The following STPG2 variants were observed in gnomAD, a reference collection of about 807,000 sequenced individuals.
The protein encoded by STPG2 is sperm-tail PG-rich repeat-containing protein 2.
STPG2 carries 56 observed loss-of-function variants against 54.2 expected under a neutral mutation model. The observed-to-expected ratio is 1.03, with a 90% CI of 0.83 to 1.29. STPG2 has a LOEUF of 1.29. Among genes scored for constraint, STPG2 ranks in the 50% most tolerant of loss-of-function variants. The probability of loss-of-function intolerance (pLI) is 0.00; values close to 1 mark genes in which losing one functional copy is unlikely to be tolerated. For synonymous variants in STPG2, 200 were observed against 181.8 expected, an observed-to-expected ratio of 1.10 and a Z score of -0.81; for missense variants, 596 against 544.9, an observed-to-expected ratio of 1.09 and a Z score of -0.93.
At chr4:98,063,672 C>T (rs1306060890) in intron 5 of STPG2, among the ~76,000 whole-genome samples, 1 of 119,272 alleles carries the variant, frequency 8.4e-6, no homozygotes, top group Admixed American at 7.9e-5. Context: ...TAAGTAAATT[C>T]ACCACTTTGA....
chr4:97,510,603 T>G (rs1306933745), intron 4 of STPG2, among the ~76,000 whole-genome samples: 1 of 152,070 alleles, frequency 6.6e-6, no homozygotes, highest in Non-Finnish European at 1.5e-5. Flanking sequence ...AGACAATTTT[T>G]CCATGGACTG....
intron 8 of STPG2, among the ~76,000 whole-genome samples, chr4:97,906,387 C>G (rs935388337): frequency 6.6e-6 from 1 of 152,084 alleles, no homozygotes; most frequent in Non-Finnish European, 1.5e-5. Context: ...GCTTACCAAC[C>G]AAAAAGAGTC....
intron 5 of STPG2, among the ~76,000 whole-genome samples, chr4:97,994,901 G>A (rs9992391): frequency 0.39 from 59,223 of 151,816 alleles, 11,674 homozygotes; most frequent in Middle Eastern, 0.46. Flanking sequence ...TACAAGGGCA[G>A]GTAGAGAAAG....
chr4:98,137,079 A>C (rs1740153146), intron 1 of STPG2, among the ~76,000 whole-genome samples: 1 of 151,804 alleles, frequency 6.6e-6, no homozygotes, highest in Admixed American at 6.6e-5. Flanking sequence ...TGAATAAAAA[A>C]GTAAGACCAA....
intron 5 of STPG2, among the ~76,000 whole-genome samples, chr4:97,999,560 G>A (rs779854105): frequency 5.3e-5 from 8 of 152,042 alleles, no homozygotes; most frequent in South Asian, 2.1e-4. Context: ...AAAATTAGCC[G>A]TGGTGGCATG....
At chr4:98,022,938 T>C (rs180728416) in intron 5 of STPG2, among the ~76,000 whole-genome samples, 21 of 152,298 alleles carry the variant, frequency 1.4e-4, no homozygotes, top group African/African-American at 5.1e-4. Flanking sequence ...TTCCAAGTTT[T>C]TAACTTCTTT....
rs973243597 is a variant in STPG2 at position 97,680,620 on chromosome 4, T to C, written c.1320+32079A>G. The stretch of plus-strand genomic sequence containing the variant: ...TCTTTTCCTAATTGAATACCCTTTA[T>C]TTCCTTCTCCTGCCTAATTGCCCTG... On this transcript the variant is annotated intron_variant, in intron 10 of 10. Coordinates refer to ENST00000295268, the MANE Select transcript of STPG2 (RefSeq NM_174952.3). 7.2e-5 allele frequency among the ~76,000 whole-genome samples: 11 copies of C among 152,152 alleles called. 1 individual carries two copies. The highest frequency in any genetic ancestry group is 1.5e-5 in the Non-Finnish European group (1 of 68,004).
At chr4:97,561,269 A>G (rs1732232439) in intron 10 of STPG2, among the ~76,000 whole-genome samples, 1 of 152,030 alleles carries the variant, frequency 6.6e-6, no homozygotes, top group East Asian at 1.9e-4. Context: ...GTGTCTGTTC[A>G]TGTCCTTTGC....
intron 10 of STPG2, among the ~76,000 whole-genome samples, chr4:97,687,454 C>G (rs1357512053): frequency 6.6e-6 from 1 of 152,064 alleles, no homozygotes; most frequent in Non-Finnish European, 1.5e-5. Flanking sequence ...AGTCTCCTGT[C>G]TCAGCTTCCA....
At chr4:98,135,114 T>C (rs958770115) in intron 1 of STPG2, among the ~76,000 whole-genome samples, 1 of 151,788 alleles carries the variant, frequency 6.6e-6, no homozygotes, top group Non-Finnish European at 1.5e-5. Context: ...TTAAGCAATG[T>C]GGATATCAAA....
intron 4 of STPG2, among the ~76,000 whole-genome samples, chr4:97,468,179 T>G (rs912026704): frequency 6.6e-6 from 1 of 151,748 alleles, no homozygotes; most frequent in Non-Finnish European, 1.5e-5. Flanking sequence ...AAAATATTTG[T>G]CAAACTTTTT....
intron 5 of STPG2, among the ~76,000 whole-genome samples, chr4:97,995,921 C>G (rs1735192685): frequency 6.6e-6 from 1 of 152,054 alleles, no homozygotes; most frequent in Admixed American, 6.6e-5. Context: ...CAAAACCCTG[C>G]TGAAACAAAT....
At chr4:97,729,555 C>T (rs1724732954) in intron 9 of STPG2, among the ~76,000 whole-genome samples, 1 of 152,260 alleles carries the variant, frequency 6.6e-6, no homozygotes, top group African/African-American at 2.4e-5. Flanking sequence ...GCTGTCTCTG[C>T]AGACTCTGAA....
At chr4:97,553,912 T>C (rs1240919648), downstream of STPG2, among the ~76,000 whole-genome samples, 1 of 152,178 alleles carries the variant, frequency 6.6e-6, no homozygotes, top group Non-Finnish European at 1.5e-5. Context: ...TATCTCAATT[T>C]TAAGACTTGA....
chr4:98,085,884 G>A (rs868673693), intron 5 of STPG2, among the ~76,000 whole-genome samples: 31 of 151,940 alleles, frequency 2.0e-4, no homozygotes, highest in African/African-American at 7.5e-4. Flanking sequence ...CATACATATT[G>A]ATCAAGCCTA....
chr4:97,506,532 A>T, intron 4 of STPG2, among the ~76,000 whole-genome samples: 1 of 152,036 alleles, frequency 6.6e-6, no homozygotes, highest in Middle Eastern at 3.2e-3. Context: ...AAAACTATCC[A>T]AGTTGAAAAC....
chr4:97,504,719 C>T (rs977287050), intron 4 of STPG2, among the ~76,000 whole-genome samples: 4 of 151,978 alleles, frequency 2.6e-5, no homozygotes, highest in Non-Finnish European at 5.9e-5. Flanking sequence ...AATGAAAGTG[C>T]TTATAAGGAA....
chr4:97,933,544 G>A (rs1272198974), intron 8 of STPG2, among the ~76,000 whole-genome samples: 1 of 152,074 alleles, frequency 6.6e-6, no homozygotes, highest in African/African-American at 2.4e-5. Flanking sequence ...TTTTGTATAA[G>A]GTGTAAGGAA....
chr4:97,865,958 T>C (rs927278124), intron 8 of STPG2, among the ~76,000 whole-genome samples: 1 of 151,936 alleles, frequency 6.6e-6, no homozygotes, highest in Non-Finnish European at 1.5e-5. Flanking sequence ...TGGATGGAAC[T>C]GGAGGTCATT....
Sources: allele counts gnomAD v4.1 joint callset (sites outside exome capture counted in the v4.1 genomes callset), GRCh38; gene constraint gnomAD v4.1.1; transcripts MANE v1.5; gene names NCBI Gene and HGNC (gene_info 2026-07-23, HGNC 2026-07-21).